Variants in PHTF2 observed in about 807,000 individuals in gnomAD.
PHTF2 encodes putative homeodomain transcription factor 2.
In PHTF2, 60 loss-of-function variants were observed where a neutral mutation model predicts 101.2. The ratio of observed to expected loss-of-function variants is 0.59; its 90% confidence interval spans 0.48 to 0.73. The LOEUF is 0.73. Ranked by LOEUF, PHTF2 falls within the 30% of genes least tolerant of loss-of-function variation. The pLI is 0.00. For missense variants in PHTF2, 747 were observed against 908.7 expected (o/e 0.82, Z 2.29); for synonymous variants, 311 against 307.3 (o/e 1.01, Z -0.13).
chr7:77,813,084 A>G (rs959315489), intron 1 of PHTF2, among the ~76,000 whole-genome samples: 2 of 152,198 alleles, frequency 1.3e-5, no homozygotes, highest in Non-Finnish European at 2.9e-5. Context: ...TTATTTATTT[A>G]TTTAATTTTA....
At chr7:77,884,634 C>G (rs1448189910) in intron 3 of PHTF2, among the ~76,000 whole-genome samples, 2 of 152,168 alleles carry the variant, frequency 1.3e-5, no homozygotes, top group African/African-American at 4.8e-5. Flanking sequence ...CAGTGGCTTA[C>G]CCCTGTAATT....
At chr7:77,837,605 CGTTGAATTTTT>C (rs1175126189) in intron 1 of PHTF2, among the ~76,000 whole-genome samples, 1 of 151,954 alleles carries the variant, frequency 6.6e-6, no homozygotes, top group Admixed American at 6.6e-5. Context: ...ACAGAAAATT[CGTTGAATTTTT>C]ATTTCTATAG....
At chr7:77,809,233 T>G (rs908991851) in intron 1 of PHTF2, among the ~76,000 whole-genome samples, 1 of 146,682 alleles carries the variant, frequency 6.8e-6, no homozygotes, top group Non-Finnish European at 1.5e-5. Context: ...TGTTTTTTTT[T>G]TTTTTTTTTT....
chr7:77,822,982 G>A (rs1169125021), intron 1 of PHTF2, among the ~76,000 whole-genome samples: 7 of 143,564 alleles, frequency 4.9e-5, no homozygotes, highest in Admixed American at 2.2e-4. Context: ...TCGGCTCACC[G>A]CAAGCTCCGC....
intron 1 of PHTF2, 93 bp from the exon 2 acceptor site, chr7:77,840,128 G>T: frequency 4.7e-6 from 3 of 644,362 alleles, no homozygotes. Context: ...CCCTTGCTCT[G>T]CAAGTAACCA....
chr7:77,887,037 C>T (rs554584595), intron 3 of PHTF2, among the ~76,000 whole-genome samples: 1 of 110,236 alleles, frequency 9.1e-6, no homozygotes, highest in Non-Finnish European at 1.8e-5. Flanking sequence ...CAGAGTGAGA[C>T]CCTGTCTTTA....
chr7:77,921,702 C>T (rs932518289), intron 10 of PHTF2, among the ~76,000 whole-genome samples: 2 of 152,052 alleles, frequency 1.3e-5, no homozygotes, highest in Non-Finnish European at 2.9e-5. Flanking sequence ...CTTTCAAACA[C>T]GTTTTCAGGC....
chr7:77,951,084 C>G (rs1041961127), intron 17 of PHTF2, among the ~76,000 whole-genome samples: 1 of 152,078 alleles, frequency 6.6e-6, no homozygotes, highest in African/African-American at 2.4e-5. Context: ...TGTGGATACC[C>G]CAAAATTATC....
At chr7:77,943,973 G>A (rs1284329181) in intron 16 of PHTF2, among the ~76,000 whole-genome samples, 1 of 152,050 alleles carries the variant, frequency 6.6e-6, no homozygotes, top group African/African-American at 2.4e-5. Context: ...CTGCACTCCA[G>A]CCTGGGGGAT....
chr7:77,893,731 G>T (rs1054056148), intron 4 of PHTF2, 67 bp downstream of exon 3: 1 of 705,916 alleles, frequency 1.4e-6, no homozygotes, highest in Non-Finnish European at 2.4e-6. Context: ...TACATTTTCT[G>T]TAGTGTTTTT....
chr7:77,943,958 C>T (rs1393356356), intron 16 of PHTF2, among the ~76,000 whole-genome samples: 1 of 152,020 alleles, frequency 6.6e-6, no homozygotes, highest in African/African-American at 2.4e-5. Context: ...GCGGAGATTG[C>T]ACCACTGCAC....
At chr7:77,854,566 C>T (rs1212220903) in intron 2 of PHTF2, among the ~76,000 whole-genome samples, 1 of 152,096 alleles carries the variant, frequency 6.6e-6, no homozygotes, top group Non-Finnish European at 1.5e-5. Context: ...ACTCCCCGTA[C>T]CCCCCAACCC....
chr7:77,830,841 ATT>A (rs2150550251), intron 1 of PHTF2, among the ~76,000 whole-genome samples: 1 of 152,304 alleles, frequency 6.6e-6, no homozygotes, highest in East Asian at 1.9e-4. Flanking sequence ...CCCGCCCATT[ATT>A]TTACTTACCT....
At chr7:77,891,584 G>T (rs916129416) in intron 3 of PHTF2, among the ~76,000 whole-genome samples, 10 of 151,588 alleles carry the variant, frequency 6.6e-5, no homozygotes, top group Non-Finnish European at 1.5e-4. Flanking sequence ...GTTTTTTTTT[G>T]TTGTTGTTGT....
intron 12 of PHTF2, among the ~76,000 whole-genome samples, chr7:77,933,717 T>G (rs1222484779): frequency 6.6e-6 from 1 of 151,528 alleles, no homozygotes; most frequent in African/African-American, 2.4e-5. Flanking sequence ...ATGTGTTTTT[T>G]TTTTTTTTTT....
intron 5 of PHTF2, among the ~76,000 whole-genome samples, chr7:77,896,383 C>T (rs1302163747): frequency 6.6e-6 from 1 of 151,882 alleles, no homozygotes; most frequent in East Asian, 1.9e-4. Flanking sequence ...AAGTGAGACA[C>T]TATCTCTAAA....
At position 77,954,612 on chromosome 7, in the gene PHTF2, GTATATATATATATATATA is replaced by G. The variant is rs66540211; in HGVS notation, c.2338-229_2338-212del. Among the ~76,000 whole-genome samples, 36 of 90,200 alleles carry G rather than the reference GTATATATATATATATATA, an allele frequency of 4.0e-4. 1 individual carries two copies. In the East Asian group the frequency reaches 8.9e-3, roughly 22 times the overall value. The allele number at this position is 90,200 out of a possible 152,430, so 59.2% of individuals were successfully genotyped here. On this transcript the variant is annotated intron_variant, in intron 19 of 19. Transcript: ENST00000416283. Reference sequence around the variant, plus strand: ...GATAATCATATTAAACAAGTACTGTGTATATATATATATATATATATATATATATATATAGCCACTTCT... The same window carrying G: ...GATAATCATATTAAACAAGTACTGTGTATATATATATATATAGCCACTTCT...
At chr7:77,952,666 CTG>C (rs1238174327) in intron 18 of PHTF2, among the ~76,000 whole-genome samples, 2 of 152,126 alleles carry the variant, frequency 1.3e-5, no homozygotes, top group Admixed American at 6.5e-5. Context: ...AGTGTAGGCA[CTG>C]TGTAGGAAGG....
At chr7:77,801,286 T>C (rs1584327962) in intron 1 of PHTF2, among the ~76,000 whole-genome samples, 1 of 152,220 alleles carries the variant, frequency 6.6e-6, no homozygotes, top group South Asian at 2.1e-4. Context: ...CTTGACTTCA[T>C]GTGACAGGTT....
Sources: gnomAD v4.1 joint callset for allele counts (sites outside exome capture counted in the v4.1 genomes callset) on GRCh38, gnomAD v4.1.1 for gene constraint, MANE v1.5 for transcripts, NCBI Gene and HGNC (gene_info 2026-07-23, HGNC 2026-07-21) for gene names.